The following FAM185A variants were observed in gnomAD, a reference collection of about 807,000 sequenced individuals.
FAM185A encodes the protein family with sequence similarity 185 member A.
Under a neutral mutation model 45.7 loss-of-function variants are expected in FAM185A, and 21 were observed. The ratio of observed to expected loss-of-function variants is 0.46; its 90% CI spans 0.33 to 0.66. The LOEUF is 0.66. Ranked by LOEUF, FAM185A falls within the 30% of genes least tolerant of loss-of-function variation. FAM185A has a pLI of 0.03. For missense variants in FAM185A, 305 were observed against 485.4 expected (o/e 0.63, Z 3.49); for synonymous variants, 117 against 194.0 (o/e 0.60, Z 3.30).
intron 6 of FAM185A, among the ~76,000 whole-genome samples, chr7:102,780,099 A>C (rs981901178): frequency 6.6e-6 from 1 of 152,052 alleles, no homozygotes; most frequent in Non-Finnish European, 1.5e-5. Context: ...TGTCATGCTT[A>C]TCTCAAACTT....
intron 6 of FAM185A, chr7:102,779,885 G>A (rs1184293054): frequency 7.1e-6 from 1 of 141,030 alleles, no homozygotes; most frequent in Non-Finnish European, 1.5e-5. Flanking sequence ...TTTTTGAGCT[G>A]GGGGAGGTAG....
the FAM185A span, among the ~76,000 whole-genome samples, chr7:102,826,746 T>TC: frequency 1.0e-5 from 1 of 97,258 alleles, no homozygotes; most frequent in African/African-American, 5.0e-5. Flanking sequence ...TATATATATA[T>TC]ATATATATAT....
At chr7:102,837,169 G>T in the FAM185A span, among the ~76,000 whole-genome samples, 1 of 152,232 alleles carries the variant, frequency 6.6e-6, no homozygotes, top group Non-Finnish European at 1.5e-5. Flanking sequence ...CAATGGCCTT[G>T]TTCCCACTGG....
At chr7:102,780,596 TATA>T (rs1486069452) in intron 6 of FAM185A, among the ~76,000 whole-genome samples, 11 of 152,318 alleles carry the variant, frequency 7.2e-5, no homozygotes, top group African/African-American at 2.6e-4. Context: ...CTAGTTGTGT[TATA>T]ATAATGAGGT....
the FAM185A span, among the ~76,000 whole-genome samples, chr7:102,815,044 A>G: frequency 6.6e-6 from 1 of 152,328 alleles, no homozygotes; most frequent in South Asian, 2.1e-4. Context: ...TTACTGAAAT[A>G]TAATACCAAA....
In FAM185A at chr7:102,808,272, T is replaced by C. The variant is rs1797252156; in HGVS notation, c.1067-18T>C. 1.3e-6 allele frequency: 2 copies of C among 1,493,220 alleles called. No homozygotes were observed. The highest frequency in any genetic ancestry group is 1.4e-5 in the African/African-American group (1 of 71,986). The allele number at this position is 1,493,220 out of a possible 1,614,324, so 92.5% of individuals were successfully genotyped here. ...AATTAATGCTCTTGATATAATTTTA[T>C]GCAATTTTGTGTTTTAGGACTCATG... On this transcript the variant is annotated intron_variant, in intron 7 of 7. Transcript: ENST00000413034.
At chr7:102,818,772 T>C in the FAM185A span, among the ~76,000 whole-genome samples, 1 of 152,196 alleles carries the variant, frequency 6.6e-6, no homozygotes, top group East Asian at 1.9e-4. Flanking sequence ...AAGTTCCCTT[T>C]ATTTTTTTAA....
the FAM185A span, among the ~76,000 whole-genome samples, chr7:102,823,068 C>G: frequency 1.4e-3 from 219 of 152,106 alleles, no homozygotes; most frequent in Middle Eastern, 6.8e-3. Flanking sequence ...GACCCTGTGC[C>G]CTGCCCACCC....
At chr7:102,791,569 C>T (rs1364645537) in intron 7 of FAM185A, among the ~76,000 whole-genome samples, 1 of 152,218 alleles carries the variant, frequency 6.6e-6, no homozygotes, top group Non-Finnish European at 1.5e-5. Flanking sequence ...AGGGCCAAAT[C>T]GCAGAATGAT....
At chr7:102,800,512 G>T (rs1584361616) in intron 7 of FAM185A, among the ~76,000 whole-genome samples, 1 of 152,052 alleles carries the variant, frequency 6.6e-6, no homozygotes, top group Non-Finnish European at 1.5e-5. Context: ...AATAAGTGAA[G>T]GGAGAAATAT....
At chr7:102,810,655 A>G (rs1377477254), downstream of FAM185A, among the ~76,000 whole-genome samples, 1 of 152,088 alleles carries the variant, frequency 6.6e-6, no homozygotes, top group Non-Finnish European at 1.5e-5. Flanking sequence ...GTGCAGTGGC[A>G]TGATCATAGC....
chr7:102,841,512 C>T, the FAM185A span, among the ~76,000 whole-genome samples: 12 of 152,302 alleles, frequency 7.9e-5, no homozygotes, highest in South Asian at 1.7e-3. Context: ...GGGGTGTTCT[C>T]AGCTTCAGCT....
At chr7:102,829,976 C>G in the FAM185A span, among the ~76,000 whole-genome samples, 107 of 152,312 alleles carry the variant, frequency 7.0e-4, no homozygotes, top group African/African-American at 2.5e-3. Context: ...GACCCACAGT[C>G]TGACCAGAAC....
the FAM185A span, among the ~76,000 whole-genome samples, chr7:102,842,219 A>G: frequency 6.6e-6 from 1 of 152,210 alleles, no homozygotes; most frequent in Non-Finnish European, 1.5e-5. Context: ...TCATTTTGGA[A>G]AGGAGTCCTC....
intron 7 of FAM185A, among the ~76,000 whole-genome samples, chr7:102,805,617 C>G (rs115215733): frequency 4.6e-5 from 7 of 152,020 alleles, no homozygotes; most frequent in African/African-American, 1.7e-4. Context: ...CAAAATCTCA[C>G]AAATTACAAC....
chr7:102,830,731 G>A, the FAM185A span, among the ~76,000 whole-genome samples: 1 of 152,202 alleles, frequency 6.6e-6, no homozygotes, highest in African/African-American at 2.4e-5. Context: ...CATCTTGAGA[G>A]TTGGTGTGAT....
At chr7:102,811,151 A>G (rs533350521), downstream of FAM185A, among the ~76,000 whole-genome samples, 3 of 152,318 alleles carry the variant, frequency 2.0e-5, no homozygotes, top group South Asian at 4.1e-4. Context: ...AAACATTTTC[A>G]TGACTAAAAA....
the FAM185A span, among the ~76,000 whole-genome samples, chr7:102,839,072 T>A: frequency 3.3e-5 from 5 of 152,208 alleles, no homozygotes; most frequent in Non-Finnish European, 7.3e-5. Context: ...AATTCTGAGA[T>A]AGGAGAAAAA....
At chr7:102,838,340 A>G in the FAM185A span, among the ~76,000 whole-genome samples, 1 of 152,134 alleles carries the variant, frequency 6.6e-6, no homozygotes, top group Non-Finnish European at 1.5e-5. Flanking sequence ...GTTGAACAGT[A>G]CCTTGCACAT....
Sources: gnomAD v4.1 joint callset for allele counts (sites outside exome capture counted in the v4.1 genomes callset) on GRCh38, gnomAD v4.1.1 for gene constraint, MANE v1.5 for transcripts, NCBI Gene and HGNC (gene_info 2026-07-23, HGNC 2026-07-21) for gene names.